The following TTC39C variants were observed in gnomAD, a reference collection of about 807,000 sequenced individuals.
The protein encoded by TTC39C is tetratricopeptide repeat domain 39C, also known as tetratricopeptide repeat protein 39C.
In TTC39C, 33 loss-of-function variants were observed where a neutral mutation model predicts 76.3. The observed-to-expected ratio is 0.43, with a 90% confidence interval of 0.33 to 0.58. The LOEUF is 0.58. Ranked by LOEUF, TTC39C falls within the 20% of genes least tolerant of loss-of-function variation. TTC39C has a pLI of 0.04. For synonymous variants in TTC39C, 254 were observed against 260.6 expected (o/e 0.97, Z 0.24); for missense variants, 595 against 701.4 (o/e 0.85, Z 1.71).
At chr18:24,048,782 TTTC>T (rs2083916217) in intron 1 of TTC39C, among the ~76,000 whole-genome samples, 1 of 152,248 alleles carries the variant, frequency 6.6e-6, no homozygotes, top group African/African-American at 2.4e-5. Context: ...TGAGGTTGTT[TTTC>T]TTAAGTGGGC....
intron 1 of TTC39C, 134 bp from the exon 2 acceptor site, chr18:24,064,006 T>C: frequency 8.0e-7 from 1 of 1,247,332 alleles, no homozygotes; most frequent in Admixed American, 2.9e-5. Flanking sequence ...TAATTTAATC[T>C]GCTTGATGAC....
chr18:24,125,713 G>T, intron 10 of TTC39C, 163 bp downstream of exon 10: 1 of 852,026 alleles, frequency 1.2e-6, no homozygotes, highest in Non-Finnish European at 1.8e-6. Flanking sequence ...AGAAAATCCT[G>T]TCACTTAGGT....
chr18:24,108,275 A>G (rs914235253), intron 6 of TTC39C, among the ~76,000 whole-genome samples: 1 of 152,194 alleles, frequency 6.6e-6, no homozygotes, highest in Non-Finnish European at 1.5e-5. Context: ...ACTTAATGTT[A>G]AATATGATTT....
chr18:24,039,635 T>C (rs900796861), intron 1 of TTC39C, among the ~76,000 whole-genome samples: 2 of 152,166 alleles, frequency 1.3e-5, no homozygotes, highest in African/African-American at 4.8e-5. Context: ...CCTGGCACCA[T>C]TGGTGGTTTT....
At chr18:24,019,255 CTT>C (rs2083491796) in intron 1 of TTC39C, among the ~76,000 whole-genome samples, 2 of 152,212 alleles carry the variant, frequency 1.3e-5, no homozygotes, top group African/African-American at 4.8e-5. Context: ...CGCTTTAACT[CTT>C]GGCATTCTTT....
chr18:24,061,255 T>C (rs568474029), intron 1 of TTC39C, among the ~76,000 whole-genome samples: 1 of 152,128 alleles, frequency 6.6e-6, no homozygotes, highest in Admixed American at 6.6e-5. Context: ...AATAGGTTTT[T>C]CACTATGGTT....
intron 6 of TTC39C, among the ~76,000 whole-genome samples, chr18:24,101,379 G>A (rs1287841078): frequency 2.6e-5 from 4 of 151,546 alleles, no homozygotes; most frequent in African/African-American, 4.9e-5. Context: ...AGGCCAAGGC[G>A]GGCGTTATCA....
chr18:24,023,085 T>G (rs1196123738), intron 1 of TTC39C, among the ~76,000 whole-genome samples: 1 of 152,132 alleles, frequency 6.6e-6, no homozygotes, highest in Admixed American at 6.5e-5. Flanking sequence ...GGGTCCAAGT[T>G]GTTAAAGGCA....
intron 6 of TTC39C, among the ~76,000 whole-genome samples, chr18:24,097,321 T>C (rs1350999869): frequency 6.6e-6 from 1 of 152,252 alleles, no homozygotes; most frequent in East Asian, 1.9e-4. Context: ...CCCACCTCTT[T>C]GTAGCCATTG....
intron 7 of TTC39C, among the ~76,000 whole-genome samples, chr18:24,117,075 C>T: frequency 6.6e-6 from 1 of 151,978 alleles, no homozygotes; most frequent in South Asian, 2.1e-4. Context: ...ACCTCAGCCT[C>T]CCAGAGTGCT....
intron 1 of TTC39C, among the ~76,000 whole-genome samples, chr18:24,032,369 C>T (rs1214786052): frequency 6.6e-6 from 1 of 152,208 alleles, no homozygotes; most frequent in Non-Finnish European, 1.5e-5. Flanking sequence ...TGGTTTGCCC[C>T]TTGACCGTCA....
intron 6 of TTC39C, chr18:24,114,053 A>G: frequency 3.5e-6 from 1 of 288,700 alleles, no homozygotes; most frequent in Non-Finnish European, 6.6e-6. Context: ...TCGTGCATTC[A>G]CTCAGTAGCG....
At chr18:24,072,605 T>C (rs189836559) in intron 4 of TTC39C, among the ~76,000 whole-genome samples, 122 of 152,358 alleles carry the variant, frequency 8.0e-4, no homozygotes, top group African/African-American at 2.6e-3. Flanking sequence ...TCAATGCTTC[T>C]TACTTTTAAA....
chr18:24,125,718 T>C, intron 10 of TTC39C, 168 bp downstream of exon 10: 2 of 806,946 alleles, frequency 2.5e-6, no homozygotes, highest in Non-Finnish European at 3.8e-6. Flanking sequence ...ATCCTGTCAC[T>C]TAGGTGATGG....
At chr18:24,066,166 G>A (rs1018520881) in intron 3 of TTC39C, 26 bp downstream of exon 3, 2 of 1,573,764 alleles carry the variant, frequency 1.3e-6, no homozygotes, top group Non-Finnish European at 1.7e-6. Flanking sequence ...TTAGGTTGTG[G>A]ACTGTGTGCC....
intron 1 of TTC39C, among the ~76,000 whole-genome samples, chr18:24,032,761 C>T (rs1051980258): frequency 6.6e-6 from 1 of 152,178 alleles, no homozygotes; most frequent in Admixed American, 6.5e-5. Context: ...GGCTGCCCAA[C>T]CTGTATTTTA....
chr18:24,129,973 C>G (rs2085103677), intron 11 of TTC39C, among the ~76,000 whole-genome samples: 1 of 152,060 alleles, frequency 6.6e-6, no homozygotes. Flanking sequence ...TCATAGTTAC[C>G]TTGTGTGTTT....
At chr18:24,027,082 A>G (rs1234690306) in intron 1 of TTC39C, among the ~76,000 whole-genome samples, 1 of 152,168 alleles carries the variant, frequency 6.6e-6, no homozygotes, top group African/African-American at 2.4e-5. Flanking sequence ...ACTTGAGGTC[A>G]GGAGTTCGAG....
chr18:24,118,072 G>T (rs3745029), intron 7 of TTC39C, 53 bp from the exon 8 acceptor site: 65,088 of 1,439,018 alleles, frequency 0.045, 4,944 homozygotes, highest in East Asian at 0.29. Flanking sequence ...CTTAAATATG[G>T]GTCATAGAGC....
Sources: allele counts gnomAD v4.1 joint callset (sites outside exome capture counted in the v4.1 genomes callset), GRCh38; gene constraint gnomAD v4.1.1; transcripts MANE v1.5; gene names NCBI Gene and HGNC (gene_info 2026-07-23, HGNC 2026-07-21).